The following RBFOX1 variants were observed in gnomAD, a reference collection of about 807,000 sequenced individuals.
RBFOX1 encodes RNA binding fox-1 homolog 1.
Under a neutral mutation model 57.7 loss-of-function variants are expected in RBFOX1, and 8 were observed. That is an observed-to-expected ratio of 0.14 (90% CI 0.08 to 0.25). RBFOX1 has a LOEUF of 0.25. RBFOX1 is among the 10% of genes least tolerant of loss of function. The pLI is 1.00. For synonymous variants in RBFOX1, 326 were observed against 222.4 expected, an observed-to-expected ratio of 1.47 and a Z score of -4.15; for missense variants, 611 against 548.5, an observed-to-expected ratio of 1.11 and a Z score of -1.14.
At chr16:6,632,682 C>G (rs1007441182) in intron 2 of RBFOX1, among the ~76,000 whole-genome samples, 2 of 152,210 alleles carry the variant, frequency 1.3e-5, no homozygotes, top group African/African-American at 4.8e-5. Flanking sequence ...CGGCGAAGGC[C>G]TTCTTTGGCT....
intron 1 of RBFOX1, among the ~76,000 whole-genome samples, chr16:6,190,109 A>G (rs2097132552): frequency 6.6e-6 from 1 of 152,222 alleles, no homozygotes; most frequent in South Asian, 2.1e-4. Context: ...GTGGAATACT[A>G]TTTTGATTAG....
At chr16:6,280,973 G>A (rs2076317791) in intron 1 of RBFOX1, among the ~76,000 whole-genome samples, 1 of 149,016 alleles carries the variant, frequency 6.7e-6, no homozygotes, top group South Asian at 2.1e-4. Context: ...GTGTGTATGT[G>A]TGTGTATATA....
At chr16:7,558,390 A>T (rs189977957) in intron 5 of RBFOX1, among the ~76,000 whole-genome samples, 21 of 152,054 alleles carry the variant, frequency 1.4e-4, no homozygotes, top group Admixed American at 1.2e-3. Flanking sequence ...ACGCGCACAC[A>T]CTCACACACA....
intron 5 of RBFOX1, among the ~76,000 whole-genome samples, chr16:7,562,794 G>A (rs1184495303): frequency 6.6e-6 from 1 of 152,318 alleles, no homozygotes; most frequent in East Asian, 1.9e-4. Flanking sequence ...ACAAACTGCT[G>A]GAGAGTTTGG....
At chr16:5,808,310 TG>T (rs2055301223) in intron 3 of RBFOX1, among the ~76,000 whole-genome samples, 1 of 152,232 alleles carries the variant, frequency 6.6e-6, no homozygotes, top group Non-Finnish European at 1.5e-5. Flanking sequence ...CATGCTGTTT[TG>T]GTTACTGTAC....
chr16:5,564,563 T>C (rs2045996290), intron 2 of RBFOX1, among the ~76,000 whole-genome samples: 1 of 152,120 alleles, frequency 6.6e-6, no homozygotes, highest in African/African-American at 2.4e-5. Flanking sequence ...TAAAACCTTA[T>C]TTGCTGGGAA....
At chr16:6,676,673 C>CTTTTTTTTTTTTTTT (rs756578276) in intron 3 of RBFOX1, among the ~76,000 whole-genome samples, 2 of 103,550 alleles carry the variant, frequency 1.9e-5, no homozygotes, top group Non-Finnish European at 3.8e-5. Flanking sequence ...TTTTTCTTTT[C>CTTTTTTTTTTTTTTT]TTTTTTTTTT....
At chr16:7,473,995 A>T (rs760555253) in intron 4 of RBFOX1, among the ~76,000 whole-genome samples, 14 of 152,146 alleles carry the variant, frequency 9.2e-5, no homozygotes, top group Non-Finnish European at 1.2e-4. Flanking sequence ...TTTTCATTAA[A>T]AACAGCCCCC....
chr16:6,852,762 A>G (rs1054611809), intron 3 of RBFOX1, among the ~76,000 whole-genome samples: 3 of 151,982 alleles, frequency 2.0e-5, no homozygotes, highest in African/African-American at 4.8e-5. Context: ...CATGCTGGGA[A>G]CTAGCTGTCT....
intron 4 of RBFOX1, among the ~76,000 whole-genome samples, chr16:7,094,378 A>T (rs933165062): frequency 1.3e-5 from 2 of 150,056 alleles, no homozygotes; most frequent in Non-Finnish European, 3.0e-5. Context: ...TCCATTTATT[A>T]TCCGAAGACA....
intron 1 of RBFOX1, among the ~76,000 whole-genome samples, chr16:6,049,956 G>GTTTTTTT (rs3048284): frequency 7.4e-6 from 1 of 135,182 alleles, no homozygotes; most frequent in African/African-American, 2.8e-5. Context: ...AGCTTAAAAC[G>GTTTTTTT]TTTTTTTTTT....
At chr16:6,337,191 G>A (rs2083884432) in intron 2 of RBFOX1, among the ~76,000 whole-genome samples, 1 of 152,162 alleles carries the variant, frequency 6.6e-6, no homozygotes, top group African/African-American at 2.4e-5. Flanking sequence ...GTGGCATGTT[G>A]ATTCCCCTTT....
chr16:5,374,227 T>C (rs2151378277), intron 1 of RBFOX1, among the ~76,000 whole-genome samples: 1 of 152,350 alleles, frequency 6.6e-6, no homozygotes, highest in Admixed American at 6.5e-5. Flanking sequence ...CGTGAGCCAT[T>C]GCACCTGGCT....
At chr16:6,279,541 C>G (rs774992771) in intron 1 of RBFOX1, among the ~76,000 whole-genome samples, 1 of 152,154 alleles carries the variant, frequency 6.6e-6, no homozygotes, top group Admixed American at 6.5e-5. Context: ...GGATTTAATC[C>G]CTCTGATACG....
intron 3 of RBFOX1, among the ~76,000 whole-genome samples, chr16:5,695,474 C>T (rs2050818659): frequency 6.6e-6 from 1 of 152,232 alleles, no homozygotes; most frequent in South Asian, 2.1e-4. Context: ...AATCAGGATC[C>T]ATAGCTATGA....
intron 4 of RBFOX1, among the ~76,000 whole-genome samples, chr16:7,219,579 G>T (rs973030167): frequency 1.3e-5 from 2 of 152,178 alleles, no homozygotes; most frequent in Non-Finnish European, 2.9e-5. Flanking sequence ...CAGAAAATAT[G>T]AGGCATAGCT....
At chr16:6,213,830 C>T (rs2097314125) in intron 1 of RBFOX1, among the ~76,000 whole-genome samples, 1 of 152,162 alleles carries the variant, frequency 6.6e-6, no homozygotes, top group African/African-American at 2.4e-5. Context: ...TCACTGTTGA[C>T]ATTTGGAACT....
chr16:7,223,712 G>GAAAAAAAAAAA (rs71147673), intron 4 of RBFOX1, among the ~76,000 whole-genome samples: 15 of 130,442 alleles, frequency 1.1e-4, no homozygotes, highest in African/African-American at 2.2e-4. Context: ...CAGTGTTTCA[G>GAAAAAAAAAAA]AAAAAAAAAA....
At chr16:5,575,452 GGAT>G (rs1377868429) in intron 2 of RBFOX1, among the ~76,000 whole-genome samples, 3 of 152,114 alleles carry the variant, frequency 2.0e-5, no homozygotes, top group Admixed American at 2.0e-4. Flanking sequence ...GTCATTTTAT[GGAT>G]GATACACCAA....
Sources: gnomAD v4.1 joint callset for allele counts (sites outside exome capture counted in the v4.1 genomes callset) on GRCh38, gnomAD v4.1.1 for gene constraint, MANE v1.5 for transcripts, NCBI Gene and HGNC (gene_info 2026-07-23, HGNC 2026-07-21) for gene names.